Variants in ANKRD45 observed in about 807,000 individuals in gnomAD.
The protein encoded by ANKRD45 is ankyrin repeat domain-containing protein 45.
In ANKRD45, 21 loss-of-function variants were observed where a neutral mutation model predicts 28.1. The observed-to-expected ratio is 0.75, with a 90% CI of 0.53 to 1.08. ANKRD45 has a LOEUF of 1.08. ANKRD45 is among the 50% of genes least tolerant of loss of function. ANKRD45 has a pLI of 0.00. For synonymous variants in ANKRD45, 86 were observed against 103.9 expected (o/e 0.83, Z 1.05); for missense variants, 261 against 308.7 (o/e 0.85, Z 1.16).
intron 2 of ANKRD45, chr1:173,657,889 T>C (rs1669616926): frequency 6.6e-6 from 1 of 152,074 alleles, no homozygotes; most frequent in South Asian, 2.1e-4. Flanking sequence ...AAATTTTTTA[T>C]GTTTCTTATA....
chr1:173,678,413 G>A, the ANKRD45 span, among the ~76,000 whole-genome samples: 9 of 152,040 alleles, frequency 5.9e-5, no homozygotes, highest in East Asian at 1.9e-4. Context: ...TTCAACATAC[G>A]CAAATCATTA....
At chr1:173,684,635 T>C in the ANKRD45 span, among the ~76,000 whole-genome samples, 4 of 152,202 alleles carry the variant, frequency 2.6e-5, no homozygotes, top group Non-Finnish European at 5.9e-5. Context: ...GGCTAACTCA[T>C]TGGACAGAGA....
intron 3 of ANKRD45, among the ~76,000 whole-genome samples, chr1:173,634,183 A>G (rs918848690): frequency 5.9e-5 from 9 of 152,042 alleles, no homozygotes; most frequent in Non-Finnish European, 8.8e-5. Flanking sequence ...GTGAATGGAC[A>G]TTTCTCAAAA....
At chr1:173,694,154 G>A in the ANKRD45 span, among the ~76,000 whole-genome samples, 6 of 151,460 alleles carry the variant, frequency 4.0e-5, no homozygotes, top group Non-Finnish European at 7.4e-5. Context: ...TGCTCAATAC[G>A]TAGGATTTCA....
chr1:173,688,918 TAA>T, the ANKRD45 span, among the ~76,000 whole-genome samples: 1 of 151,918 alleles, frequency 6.6e-6, no homozygotes, highest in Non-Finnish European at 1.5e-5. Context: ...CCTCGGAAAC[TAA>T]AAGTTCCTCT....
At position 173,633,957 on chromosome 1, in the gene ANKRD45, G is replaced by T. The variant is rs1166044022; in HGVS notation, c.497-6798C>A. Among the ~76,000 whole-genome samples, 4 of 152,090 alleles carry T rather than the reference G, an allele frequency of 2.6e-5. No individual in the cohort carries two copies. In the East Asian group the frequency reaches 7.7e-4, roughly 29 times the overall value. On this transcript the variant is annotated intron_variant, in intron 3 of 5. Transcript: ENST00000333279. Reference sequence around the variant, plus strand: ...AGATTTTTTCAGTAATACCCTACGAGCAGAGGCAACCAAAGAAAAAATCGA... The same window carrying T: ...AGATTTTTTCAGTAATACCCTACGATCAGAGGCAACCAAAGAAAAAATCGA...
chr1:173,613,804 G>C (rs1253536890), intron 5 of ANKRD45, among the ~76,000 whole-genome samples: 1 of 152,178 alleles, frequency 6.6e-6, no homozygotes, highest in Admixed American at 6.5e-5. Flanking sequence ...CCATGATGAC[G>C]ATGGCGGTTT....
the ANKRD45 span, among the ~76,000 whole-genome samples, chr1:173,708,330 C>T: frequency 1.2e-4 from 18 of 152,238 alleles, no homozygotes; most frequent in Admixed American, 3.9e-4. Flanking sequence ...GGGCTCCACA[C>T]TCACGAATGG....
chr1:173,680,214 A>G, the ANKRD45 span, among the ~76,000 whole-genome samples: 1 of 152,230 alleles, frequency 6.6e-6, no homozygotes, highest in Non-Finnish European at 1.5e-5. Flanking sequence ...ATTATAAATC[A>G]TTCTACTATA....
At chr1:173,679,999 G>A in the ANKRD45 span, among the ~76,000 whole-genome samples, 6 of 152,152 alleles carry the variant, frequency 3.9e-5, no homozygotes, top group African/African-American at 1.2e-4. Flanking sequence ...ATACTGTCTC[G>A]CACCAGTTAG....
At chr1:173,663,092 C>CACACACACACACACA in intron 1 of ANKRD45, among the ~76,000 whole-genome samples, 1 of 146,368 alleles carries the variant, frequency 6.8e-6, no homozygotes, top group African/African-American at 2.7e-5. Flanking sequence ...CACACACACA[C>CACACACACACACACA]CTTCTTTAAA....
chr1:173,683,777 T>C, the ANKRD45 span, among the ~76,000 whole-genome samples: 1 of 152,218 alleles, frequency 6.6e-6, no homozygotes, highest in Non-Finnish European at 1.5e-5. Flanking sequence ...GGCGGTGTTA[T>C]ATATAAAGTT....
chr1:173,690,071 C>T, the ANKRD45 span, among the ~76,000 whole-genome samples: 18,617 of 97,466 alleles, frequency 0.19, 3,317 homozygotes, highest in South Asian at 0.32. Context: ...CGCCCCCCCC[C>T]CCCCCGACCT....
At chr1:173,642,222 C>T (rs1460032268) in intron 3 of ANKRD45, among the ~76,000 whole-genome samples, 1 of 152,198 alleles carries the variant, frequency 6.6e-6, no homozygotes, top group African/African-American at 2.4e-5. Flanking sequence ...CTTCAATTCT[C>T]ACCTCGTTAG....
chr1:173,694,655 T>A, the ANKRD45 span, among the ~76,000 whole-genome samples: 1 of 151,860 alleles, frequency 6.6e-6, no homozygotes, highest in East Asian at 1.9e-4. Flanking sequence ...TTAGGATACT[T>A]GTCACTTGAA....
chr1:173,674,078 G>A (rs1304601311), upstream of ANKRD45, among the ~76,000 whole-genome samples: 3 of 151,996 alleles, frequency 2.0e-5, no homozygotes, highest in Non-Finnish European at 4.4e-5. Context: ...GTGTGATCAC[G>A]GCCCACTGTA....
At chr1:173,617,999 C>A (rs576896919) in intron 5 of ANKRD45, among the ~76,000 whole-genome samples, 173 of 152,300 alleles carry the variant, frequency 1.1e-3, no homozygotes, top group African/African-American at 4.0e-3. Context: ...GCCAAGGCAA[C>A]TTCCAGCTTT....
At chr1:173,712,518 T>G in the ANKRD45 span, among the ~76,000 whole-genome samples, 2 of 152,238 alleles carry the variant, frequency 1.3e-5, no homozygotes. Flanking sequence ...TTTGCTAGTA[T>G]TATTATTACT....
chr1:173,634,365 A>C (rs537010656), intron 3 of ANKRD45, among the ~76,000 whole-genome samples: 1 of 152,096 alleles, frequency 6.6e-6, no homozygotes, highest in South Asian at 2.1e-4. Flanking sequence ...ACTAGAAAGT[A>C]AACTCCATGA....
Sources: gnomAD v4.1 joint callset for allele counts (sites outside exome capture counted in the v4.1 genomes callset) on GRCh38, gnomAD v4.1.1 for gene constraint, MANE v1.5 for transcripts, NCBI Gene and HGNC (gene_info 2026-07-23, HGNC 2026-07-21) for gene names.